Variants in SLC20A2 observed in about 807,000 individuals in gnomAD.
The protein encoded by SLC20A2 is sodium-dependent phosphate transporter 2.
SLC20A2 carries 30 observed loss-of-function variants against 61.0 expected under a neutral mutation model. That is an observed-to-expected ratio of 0.49 (90% confidence interval 0.37 to 0.67). The LOEUF is 0.67. SLC20A2 is among the 30% of genes least tolerant of loss of function. The pLI, the probability that SLC20A2 is intolerant of heterozygous loss-of-function variation, is 0.00. For synonymous variants in SLC20A2, 351 were observed against 353.3 expected (o/e 0.99, Z 0.07); for missense variants, 626 against 866.4 (o/e 0.72, Z 3.48).
At chr8:42,476,639 C>G (rs1328100518) in intron 1 of SLC20A2, among the ~76,000 whole-genome samples, 1 of 152,118 alleles carries the variant, frequency 6.6e-6, no homozygotes, top group East Asian at 1.9e-4. Context: ...CCCGGAGATC[C>G]CCTCTCCTAC....
intron 1 of SLC20A2, among the ~76,000 whole-genome samples, chr8:42,495,020 T>G (rs1809812795): frequency 6.6e-6 from 1 of 151,236 alleles, no homozygotes; most frequent in South Asian, 2.1e-4. Context: ...CTAATTTTTT[T>G]GTATTTTTTT....
At chr8:42,488,940 T>G (rs796129582) in intron 1 of SLC20A2, among the ~76,000 whole-genome samples, 43 of 142,700 alleles carry the variant, frequency 3.0e-4, no homozygotes, top group African/African-American at 5.2e-4. Flanking sequence ...GTTTTGTTTT[T>G]TTTTTTTTTT....
chr8:42,491,540 G>A (rs372611056), intron 1 of SLC20A2, among the ~76,000 whole-genome samples: 24 of 151,540 alleles, frequency 1.6e-4, no homozygotes, highest in East Asian at 1.2e-3. Context: ...GCATGGTGGC[G>A]GGCACCTGTA....
Position 42,437,894 on chromosome 8 carries a change from G to A in SLC20A2, c.935-317C>T, listed in dbSNP as rs142610044. Among the ~76,000 whole-genome samples the A allele has an allele frequency of 3.2e-4, 49 of 151,738 alleles. No individual in the cohort carries two copies. Among genetic ancestry groups the A allele is most frequent in the African/African-American group, 1.0e-3 (43 of 41,440 alleles). On this transcript the variant is annotated intron_variant, in intron 7 of 10. Transcript: ENST00000520262. This position sits in a 1 kb window ranked among gnomAD's most constrained non-coding sequence, Gnocchi z 6.4. ...CTCCTAAAGTGCTCGGATTACAAGC[G>A]TGAGCCAACGTGCCCAGCCCCAGCC...
In SLC20A2 at chr8:42,432,004, A is replaced by G. The variant is rs528327832; in HGVS notation, c.1524-1755T>C. Among the ~76,000 whole-genome samples the G allele has an allele frequency of 5.3e-5, 8 of 152,376 alleles. No homozygotes were observed. The South Asian group carries it at 1.2e-3, about 24-fold the overall frequency. ...TTGTTTTCCTGTCTGCAAACACAGCATCTGTTCTGCAGCCCATGGATCAAA... is the reference window on the plus strand; with the variant it reads ...TTGTTTTCCTGTCTGCAAACACAGCGTCTGTTCTGCAGCCCATGGATCAAA... On this transcript the variant is annotated intron_variant, in intron 8 of 10. Coordinates refer to ENST00000520262, the MANE Select transcript of SLC20A2 (RefSeq NM_001257180.2).
intron 10 of SLC20A2, among the ~76,000 whole-genome samples, chr8:42,419,156 T>C (rs1196717547): frequency 1.3e-5 from 2 of 152,178 alleles, no homozygotes; most frequent in African/African-American, 2.4e-5. Flanking sequence ...TTTTGACATT[T>C]GCCACAATCT....
chr8:42,434,314 C>T (rs1387505392), intron 8 of SLC20A2, among the ~76,000 whole-genome samples: 1 of 152,078 alleles, frequency 6.6e-6, no homozygotes, highest in South Asian at 2.1e-4. Flanking sequence ...CTTGAACGCC[C>T]GACCTCAGGT....
At chr8:42,517,259 T>A (rs1037386176) in intron 1 of SLC20A2, among the ~76,000 whole-genome samples, 2 of 151,842 alleles carry the variant, frequency 1.3e-5, no homozygotes, top group Non-Finnish European at 2.9e-5. Context: ...TCCCAGCACT[T>A]TGGGAGGGTG....
intron 1 of SLC20A2, among the ~76,000 whole-genome samples, chr8:42,500,573 C>T (rs948973289): frequency 2.6e-5 from 4 of 152,160 alleles, no homozygotes; most frequent in Admixed American, 2.6e-4. Context: ...AACTGTCCAT[C>T]TATACATTCA....
intron 10 of SLC20A2, 138 bp from the exon 11 acceptor site, chr8:42,418,105 A>G (rs1201873867): frequency 1.1e-5 from 7 of 615,566 alleles, no homozygotes; most frequent in Non-Finnish European, 1.6e-5. Flanking sequence ...CTTTTAAAAT[A>G]GCTTAGATTT....
At position 42,444,698 on chromosome 8, in the gene SLC20A2, G is replaced by C; in HGVS notation, c.678C>G (p.Phe226Leu). 1.2e-6 allele frequency: 2 copies of C among 1,613,938 alleles called. No homozygotes were observed. Among genetic ancestry groups the C allele is most frequent in the South Asian group, 1.1e-5 (1 of 91,064 alleles). The change falls in exon 6 of 11, where the codon TTC (phenylalanine) becomes TTG (leucine). Residue 226 changes from phenylalanine (F) to leucine (L), a missense_variant. Around this residue, in one of 3 missense-constraint regions of SLC20A2, gnomAD observed 361 missense variants for 422.3 expected, o/e 0.85. Coordinates refer to ENST00000520262, the MANE Select transcript of SLC20A2 (RefSeq NM_001257180.2). ...ALISFGVALL[F>L]AFFVWLFVCP... ...ACACGAAGAGCCACACAAAAAAAGC[G>C]AACAGGAGGGCGACACCAAAGGAAA... is the stretch of plus-strand genomic sequence containing the variant.
intron 10 of SLC20A2, among the ~76,000 whole-genome samples, chr8:42,423,311 G>GTTA (rs1289123711): frequency 6.6e-6 from 1 of 150,440 alleles, no homozygotes; most frequent in African/African-American, 2.4e-5. Flanking sequence ...AGAGATCATG[G>GTTA]TTAGCACAAC....
At chr8:42,420,659 C>G (rs1202399295) in intron 10 of SLC20A2, among the ~76,000 whole-genome samples, 1 of 152,204 alleles carries the variant, frequency 6.6e-6, no homozygotes, top group Non-Finnish European at 1.5e-5. Flanking sequence ...GCTATCTACT[C>G]TGTTCTTATC....
At chr8:42,509,044 C>T (rs941871983) in intron 1 of SLC20A2, among the ~76,000 whole-genome samples, 3 of 152,054 alleles carry the variant, frequency 2.0e-5, no homozygotes, top group South Asian at 4.1e-4. Context: ...ACATGCCTCA[C>T]GGGGTTATTA....
At chr8:42,456,731 CA>C (rs986357542) in intron 5 of SLC20A2, among the ~76,000 whole-genome samples, 2,363 of 58,558 alleles carry the variant, frequency 0.04, 28 homozygotes, top group Non-Finnish European at 0.059. Context: ...GACTCTGTCT[CA>C]AAAAAAAAAA....
chr8:42,538,061 G>A (rs1012196331), intron 1 of SLC20A2: 15 of 152,192 alleles, frequency 9.9e-5, no homozygotes, highest in African/African-American at 2.2e-4. Flanking sequence ...CACGACATAA[G>A]TATTAACTCT....
chr8:42,491,526 C>T (rs1227486672), intron 1 of SLC20A2, among the ~76,000 whole-genome samples: 1 of 151,328 alleles, frequency 6.6e-6, no homozygotes, highest in Non-Finnish European at 1.5e-5. Flanking sequence ...AAAAAATTAG[C>T]TGGGCATGGT....
intron 1 of SLC20A2, among the ~76,000 whole-genome samples, chr8:42,492,152 C>T (rs376527799): frequency 2.5e-4 from 38 of 152,202 alleles, no homozygotes; most frequent in African/African-American, 5.5e-4. Flanking sequence ...GTCAGGAGTT[C>T]GAGACCAGCC....
At chr8:42,528,759 T>G (rs1016851915) in intron 1 of SLC20A2, among the ~76,000 whole-genome samples, 2 of 151,860 alleles carry the variant, frequency 1.3e-5, no homozygotes, top group Non-Finnish European at 2.9e-5. Flanking sequence ...CTCTGCCTCC[T>G]GGGTTCAAGC....
Sources: allele counts gnomAD v4.1 joint callset (sites outside exome capture counted in the v4.1 genomes callset), GRCh38; gene constraint gnomAD v4.1.1; regional missense constraint gnomAD v4.1.1; non-coding constraint Gnocchi (gnomAD v3.1); transcripts MANE v1.5; gene names NCBI Gene and HGNC (gene_info 2026-07-23, HGNC 2026-07-21).